CA2: variants seen among roughly 807,000 people sequenced by gnomAD.
The protein encoded by CA2 is carbonic anhydrase 2.
CA2 carries 23 observed loss-of-function variants against 27.8 expected under a neutral mutation model. That is an observed-to-expected ratio of 0.83 (90% CI 0.59 to 1.17). The LOEUF (loss-of-function observed/expected upper bound fraction) is 1.17, where lower values mean the gene tolerates loss of function less well. Ranked by LOEUF, CA2 falls within the 50% of genes most tolerant of loss-of-function variation. The pLI, the probability that CA2 is intolerant of heterozygous loss-of-function variation, is 0.00. For missense variants in CA2, 300 were observed against 314.7 expected, an observed-to-expected ratio of 0.95 and a Z score of 0.35; for synonymous variants, 99 against 114.9, an observed-to-expected ratio of 0.86 and a Z score of 0.88.
intron 5 of CA2, among the ~76,000 whole-genome samples, chr8:85,476,893 T>G (rs1263515685): frequency 3.3e-5 from 5 of 152,054 alleles, no homozygotes; most frequent in Non-Finnish European, 7.4e-5. Flanking sequence ...AATGGACATG[T>G]GAAAATAGTT....
chr8:85,464,031 C>A lies in CA2; in HGVS notation c.-51C>A. 3 of 1,534,248 alleles carry A rather than the reference C, an allele frequency of 2.0e-6. No homozygotes were observed. The highest frequency in any genetic ancestry group is 2.6e-6 in the Non-Finnish European group (3 of 1,141,278). ...CACACAGTGCAGGCGCCCAAGCCGCCGCCGCCAGATCGGTGCCGATTCCTG... is the reference window on the plus strand; with the variant it reads ...CACACAGTGCAGGCGCCCAAGCCGCAGCCGCCAGATCGGTGCCGATTCCTG... On this transcript the variant is annotated 5_prime_UTR_variant, in exon 1 of 7. Transcript: ENST00000285379.
intron 6 of CA2, 53 bp downstream of exon 6, chr8:85,477,328 G>A: frequency 6.2e-7 from 1 of 1,600,170 alleles, no homozygotes; most frequent in Non-Finnish European, 8.6e-7. Context: ...AGTCAAGGCA[G>A]AAGACCTTGG....
Position 85,480,972 on chromosome 8 carries a change from A to C in CA2, c.*183A>C. On this transcript the variant is annotated 3_prime_UTR_variant, in exon 7 of 7. Coordinates refer to ENST00000285379, the MANE Select transcript of CA2 (RefSeq NM_000067.3). ...CTAGACCAATTGTCATGCTTGACAC[A>C]ACTGCTGTGGCTGGTTGGTGCTTTG... 1 of 634,376 alleles carries C rather than the reference A, an allele frequency of 1.6e-6. No homozygotes were observed. The highest frequency in any genetic ancestry group is 2.8e-6 in the Non-Finnish European group (1 of 358,954). 39.3% of individuals were successfully genotyped at this position (634,376 alleles called of 1,614,324 possible).
chr8:85,475,371 T>TAAAAAAAAAA lies in CA2; in HGVS notation c.445-411_445-402dup. Reference sequence around the variant, plus strand: ...GGATGACAGAGCAAGACTCTGACTCTAAAAAAAAAAAAAAAAAAAAAAAAA... The same window carrying TAAAAAAAAAA: ...GGATGACAGAGCAAGACTCTGACTCTAAAAAAAAAAAAAAAAAAAAAAAAAAAAAAAAAAA... On this transcript the variant is annotated intron_variant, in intron 4 of 6. Coordinates refer to ENST00000285379, the MANE Select transcript of CA2 (RefSeq NM_000067.3). 4.8e-5 allele frequency among the ~76,000 whole-genome samples: 2 copies of TAAAAAAAAAA among 41,364 alleles called. 1 individual carries two copies. Among genetic ancestry groups the TAAAAAAAAAA allele is most frequent in the Non-Finnish European group, 7.7e-5 (2 of 26,026 alleles). The allele number at this position is 41,364 out of a possible 152,430, so 27.1% of individuals were successfully genotyped here.
chr8:85,475,368 C>A, intron 4 of CA2, among the ~76,000 whole-genome samples: 1 of 48,072 alleles, frequency 2.1e-5, no homozygotes, highest in African/African-American at 9.9e-5. Context: ...AAGACTCTGA[C>A]TCTAAAAAAA....
chr8:85,464,163 C>G, intron 1 of CA2, 48 bp downstream of exon 1: 2 of 1,474,560 alleles, frequency 1.4e-6, no homozygotes, highest in Non-Finnish European at 1.8e-6. Flanking sequence ...TCCCCGATCC[C>G]CGATCCCCGA....
rs1376589900 is a variant in CA2, at chr8:85,465,355, T to C, written c.118T>C (p.Tyr40His). The change falls in exon 2 of 7, where the codon TAT (tyrosine) becomes CAT (histidine). Residue 40 changes from tyrosine to histidine, a missense_variant. Tyr to His is a moderately conservative substitution (Grantham distance 83). Coordinates refer to ENST00000285379, the MANE Select transcript of CA2 (RefSeq NM_000067.3). ...PVDIDTHTAK[Y>H]DPSLKPLSVS... ...TGACATCGACACTCATACAGCCAAGTATGACCCTTCCCTGAAGCCCCTGTC... is the reference window on the plus strand; with the variant it reads ...TGACATCGACACTCATACAGCCAAGCATGACCCTTCCCTGAAGCCCCTGTC... 6.2e-7 allele frequency: 1 copy of C among 1,614,048 alleles called. No homozygotes were observed. The highest frequency in any genetic ancestry group is 1.7e-5 in the Admixed American group (1 of 60,012).
Position 85,474,382 on chromosome 8 carries a change from C to A in CA2, c.410C>A (p.Pro137His). 6.2e-7 allele frequency: 1 copy of A among 1,614,050 alleles called. No individual in the cohort carries two copies. The highest frequency in any genetic ancestry group is 8.5e-7 in the Non-Finnish European group (1 of 1,179,924). Residue 137 changes from proline (P) to histidine (H), a missense_variant, in exon 4 of 7, where the codon CCT (proline) becomes CAT (histidine). Physicochemically the swap from Pro to His is moderately conservative, Grantham distance 77. Coordinates refer to ENST00000285379, the MANE Select transcript of CA2 (RefSeq NM_000067.3). ...YGDFGKAVQQ[P>H]DGLAVLGIFL... Reference sequence around the variant, plus strand: ...GATTTTGGGAAAGCTGTGCAGCAACCTGATGGACTGGCCGTTCTAGGTATT... The same window carrying A: ...GATTTTGGGAAAGCTGTGCAGCAACATGATGGACTGGCCGTTCTAGGTATT...
At chr8:85,474,441 T>C in intron 4 of CA2, 25 bp downstream of exon 4, 1 of 1,479,388 alleles carries the variant, frequency 6.8e-7, no homozygotes, top group Non-Finnish European at 9.5e-7. Context: ...CAATTCTTTT[T>C]TTTCCCTATT....
At position 85,476,008 on chromosome 8, in the gene CA2, TTTAA is replaced by T. The variant is rs1425048971; in HGVS notation, c.507+153_507+156del. 1.9e-5 allele frequency: 13 copies of T among 696,100 alleles called. No individual in the cohort carries two copies. In the East Asian group the frequency reaches 3.2e-4, roughly 17 times the overall value. The allele number at this position is 696,100 out of a possible 1,614,324, so 43.1% of individuals were successfully genotyped here. Reference sequence around the variant, plus strand: ...GTAAAGGTAGAATATTACTTAAATATTTAATTAACGTTTCTTTCAACAAAGTTGA... The same window carrying T: ...GTAAAGGTAGAATATTACTTAAATATTTAACGTTTCTTTCAACAAAGTTGA... On this transcript the variant is annotated intron_variant, in intron 5 of 6. Transcript: ENST00000285379.
rs1461434959 is a variant in CA2, at chr8:85,481,481, A to G, written c.*692A>G. The G allele has an allele frequency of 6.6e-6, 1 of 152,138 alleles. No individual in the cohort carries two copies. Among genetic ancestry groups the G allele is most frequent in the Non-Finnish European group, 1.5e-5 (1 of 68,024 alleles). 9.4% of individuals were successfully genotyped at this position (152,138 alleles called of 1,614,324 possible). On this transcript the variant is annotated 3_prime_UTR_variant, in exon 7 of 7. Transcript: ENST00000285379. ...TATTTTAGATATATTCTCTAATAAA[A>G]TTCAGAATTCTATTCTGGGTTATTT...
intron 2 of CA2, among the ~76,000 whole-genome samples, chr8:85,468,637 G>A (rs1271457490): frequency 1.3e-5 from 2 of 152,124 alleles, no homozygotes; most frequent in Non-Finnish European, 2.9e-5. Flanking sequence ...GCATGTGCCT[G>A]TAATCCCAGC....
At position 85,465,421 on chromosome 8, in the gene CA2, A is replaced by C; in HGVS notation, c.184A>C (p.Asn62His). Residue 62 changes from asparagine (N) to histidine (H), a missense_variant, in exon 2 of 7, where the codon AAT becomes CAT. Coordinates refer to ENST00000285379, the MANE Select transcript of CA2 (RefSeq NM_000067.3). ...DQATSLRILN[N>H]GHAFNVEFDD... ...AGCAACTTCCCTGAGGATCCTCAAC[A>C]ATGGTCATGCTTTCAACGTGGAGTT... 1 of 1,614,166 alleles carries C rather than the reference A, an allele frequency of 6.2e-7. No individual in the cohort carries two copies. Among genetic ancestry groups the C allele is most frequent in the Non-Finnish European group, 8.5e-7 (1 of 1,180,028 alleles).
intron 1 of CA2, chr8:85,464,675 C>G (rs1329497149): frequency 6.5e-6 from 1 of 153,986 alleles, no homozygotes; most frequent in African/African-American, 2.4e-5. Context: ...CCCTTCATCT[C>G]TCGACTTCTA....
chr8:85,468,862 T>A (rs1413247419), intron 2 of CA2, among the ~76,000 whole-genome samples: 1 of 149,750 alleles, frequency 6.7e-6, no homozygotes, highest in Non-Finnish European at 1.5e-5. Context: ...AATAAAACAA[T>A]CCTAGGCTCT....
At chr8:85,464,160 T>G (rs1457297918) in intron 1 of CA2, 45 bp downstream of exon 1, 4 of 1,466,942 alleles carry the variant, frequency 2.7e-6, no homozygotes, top group Non-Finnish European at 3.7e-6. Context: ...CGATCCCCGA[T>G]CCCCGATCCC....
Position 85,477,826 on chromosome 8 carries a change from G to A in CA2, c.663+551G>A, listed in dbSNP as rs549725866. The stretch of plus-strand genomic sequence containing the variant: ...ATAGTGTGTGATCGTCAAGTGATTA[G>A]TGCAGCTTCTAAGTCACTGATGAGC... On this transcript the variant is annotated intron_variant, in intron 6 of 6. Transcript: ENST00000285379. 1.5e-4 allele frequency among the ~76,000 whole-genome samples: 23 copies of A among 152,284 alleles called. No individual in the cohort carries two copies. In the East Asian group the frequency reaches 4.4e-3, roughly 29 times the overall value.
chr8:85,474,799 G>C (rs80218163), intron 4 of CA2, among the ~76,000 whole-genome samples: 2,612 of 152,204 alleles, frequency 0.017, 37 homozygotes, highest in South Asian at 0.034. Flanking sequence ...GGACAGAACC[G>C]GTTGAGCTGC....
At chr8:85,465,233 T>C (rs754335790) in intron 1 of CA2, 39 bp from the exon 2 acceptor site, 1 of 1,537,506 alleles carries the variant, frequency 6.5e-7, no homozygotes, top group Admixed American at 1.7e-5. Flanking sequence ...GGTGTACCTT[T>C]CCCCACAATG....
Sources: allele counts gnomAD v4.1 joint callset (sites outside exome capture counted in the v4.1 genomes callset), GRCh38; gene constraint gnomAD v4.1.1; transcripts MANE v1.5; gene names NCBI Gene and HGNC (gene_info 2026-07-23, HGNC 2026-07-21).